DNAH3: variants seen among roughly 807,000 people sequenced by gnomAD.
DNAH3 encodes axonemal beta dynein heavy chain 3.
Under a neutral mutation model 432.5 loss-of-function variants are expected in DNAH3, and 332 were observed. The observed-to-expected ratio is 0.77, with a 90% CI of 0.70 to 0.84. DNAH3 has a LOEUF of 0.84. DNAH3 is among the 40% of genes least tolerant of loss of function. The probability of loss-of-function intolerance (pLI) is 0.00; values close to 1 mark genes in which losing one functional copy is unlikely to be tolerated. For synonymous variants in DNAH3, 1,956 were observed against 1,900.2 expected (o/e 1.03, Z -0.76); for missense variants, 4,861 against 5,114.0 (o/e 0.95, Z 1.51).
At chr16:20,974,903 C>T (rs1485697476) in intron 51 of DNAH3, among the ~76,000 whole-genome samples, 1 of 151,508 alleles carries the variant, frequency 6.6e-6, no homozygotes, top group Non-Finnish European at 1.5e-5. Context: ...ACTGCGACCT[C>T]TGCCTCCCAG....
chr16:21,081,151 T>G (rs1413459683), intron 20 of DNAH3, among the ~76,000 whole-genome samples: 2 of 152,028 alleles, frequency 1.3e-5, no homozygotes, highest in Admixed American at 1.3e-4. Flanking sequence ...ACTCCTGACC[T>G]CAAGTGGTCC....
At chr16:20,954,860 C>G in exon 55 of DNAH3, 1 of 1,614,144 alleles carries the variant, frequency 6.2e-7, no homozygotes, top group Non-Finnish European at 8.5e-7. Context: ...GTGGAAGAAA[C>G]AAAGGCCAAA....
chr16:21,091,708 C>T (rs1278066136), intron 18 of DNAH3, among the ~76,000 whole-genome samples: 1 of 151,986 alleles, frequency 6.6e-6, no homozygotes, highest in Non-Finnish European at 1.5e-5. Context: ...CCCAACTACT[C>T]AGGAGGCTAA....
At chr16:21,085,785 G>A (rs1017633407) in intron 19 of DNAH3, among the ~76,000 whole-genome samples, 4 of 151,776 alleles carry the variant, frequency 2.6e-5, no homozygotes, top group African/African-American at 7.3e-5. Flanking sequence ...AGTCTTATAC[G>A]TGGCTTTTTT....
intron 52 of DNAH3, among the ~76,000 whole-genome samples, chr16:20,966,467 C>T (rs1205889074): frequency 6.6e-6 from 1 of 152,174 alleles, no homozygotes; most frequent in Non-Finnish European, 1.5e-5. Context: ...AGAGGCCCCC[C>T]TCCCCGCTGC....
chr16:21,085,117 G>A lies in DNAH3; in HGVS notation c.2877+1732C>T, dbSNP rs567788412. Among the ~76,000 whole-genome samples, 7 of 152,038 alleles carry A rather than the reference G, an allele frequency of 4.6e-5. 1 individual carries two copies. The highest frequency in any genetic ancestry group is 3.9e-4 in the Admixed American group (6 of 15,258). On this transcript the variant is annotated intron_variant, in intron 19 of 61. Transcript: ENST00000261383. Reference sequence around the variant, plus strand: ...GTCATGGCCAGGCACTGTGGCTCACGCCTGTAATCCCAGCACTTTAGGAGG... The same window carrying A: ...GTCATGGCCAGGCACTGTGGCTCACACCTGTAATCCCAGCACTTTAGGAGG...
chr16:21,015,677 CTGTATTTTCTGCAACATTTTTCTA>C (rs1261840980), intron 41 of DNAH3, among the ~76,000 whole-genome samples: 2 of 152,158 alleles, frequency 1.3e-5, no homozygotes, highest in African/African-American at 4.8e-5. Context: ...TGGAAACTCT[CTGTATTTTCTGCAACATTTTTCTA>C]TAAATTTAAG....
chr16:20,998,811 C>T (rs1034146231), intron 43 of DNAH3, among the ~76,000 whole-genome samples: 5 of 151,362 alleles, frequency 3.3e-5, no homozygotes, highest in African/African-American at 1.2e-4. Flanking sequence ...GTTTGAATGC[C>T]CAGTTTGTGT....
chr16:20,963,024 C>G (rs8048770), intron 53 of DNAH3, among the ~76,000 whole-genome samples: 76,595 of 152,046 alleles, frequency 0.5, 19,527 homozygotes, highest in South Asian at 0.6. Flanking sequence ...GGAAATTTCT[C>G]CATTTCTGGT....
rs200815205 is a variant in DNAH3, at chr16:21,082,950, C to CT, written c.2878-1224dup. On this transcript the variant is annotated intron_variant, in intron 19 of 61. Transcript: ENST00000261383. Reference sequence around the variant, plus strand: ...TCAAATGTTACCTTGTTCCATCTTGCTTTTTTTTTAACAGTTAAATTTTTA... The same window carrying CT: ...TCAAATGTTACCTTGTTCCATCTTGCTTTTTTTTTTAACAGTTAAATTTTTA... 8.7e-5 allele frequency among the ~76,000 whole-genome samples: 13 copies of CT among 149,248 alleles called. No homozygotes were observed. In the South Asian group the frequency reaches 1.3e-3, roughly 15 times the overall value.
chr16:20,984,891 GAA>G (rs1440464943), intron 48 of DNAH3, among the ~76,000 whole-genome samples, 156 bp downstream of exon 48: 1 of 151,890 alleles, frequency 6.6e-6, no homozygotes, highest in East Asian at 1.9e-4. Flanking sequence ...TCAGAAGAGT[GAA>G]AAAAGTTGCC....
chr16:21,098,589 A>G (rs752205958), intron 17 of DNAH3, 27 bp downstream of exon 17: 25 of 1,599,672 alleles, frequency 1.6e-5, no homozygotes, highest in Admixed American at 5.2e-5. Context: ...GTACAGTGTC[A>G]TAAGTCCCCA....
chr16:20,984,179 G>GTGTGTGTGTGTA (rs1555518822), intron 48 of DNAH3, among the ~76,000 whole-genome samples: 1 of 151,552 alleles, frequency 6.6e-6, no homozygotes, highest in African/African-American at 2.4e-5. Context: ...GTGTGTGTGT[G>GTGTGTGTGTGTA]TATATGTGTG....
At chr16:21,038,005 G>A (rs779612544) in intron 33 of DNAH3, 25 bp from the exon 34 acceptor site, 53 of 1,604,202 alleles carry the variant, frequency 3.3e-5, no homozygotes, top group South Asian at 1.3e-4. Flanking sequence ...ACATGTATGC[G>A]GACACCCAGA....
At chr16:21,062,559 G>A (rs2090398755) in exon 25 of DNAH3, 1 of 1,614,056 alleles carries the variant, frequency 6.2e-7, no homozygotes, top group African/African-American at 1.3e-5. Context: ...ACAATTTCCA[G>A]ATTGTCTGTA....
chr16:21,098,585 T>G (rs755449937), intron 17 of DNAH3, 31 bp downstream of exon 17: 1 of 1,595,734 alleles, frequency 6.3e-7, no homozygotes, highest in African/African-American at 1.3e-5. Context: ...ACCAGTACAG[T>G]GTCATAAGTC....
At chr16:21,051,855 C>A in exon 29 of DNAH3, 2 of 1,614,092 alleles carry the variant, frequency 1.2e-6, no homozygotes, top group Non-Finnish European at 1.7e-6. Context: ...ATAACTTGGC[C>A]ACCACGTCGC....
intron 8 of DNAH3, among the ~76,000 whole-genome samples, chr16:21,125,623 A>T (rs1338857815): frequency 6.6e-6 from 1 of 152,208 alleles, no homozygotes; most frequent in African/African-American, 2.4e-5. Flanking sequence ...TTGGTGGCAC[A>T]TCCTGCTGAA....
chr16:21,025,476 TA>T (rs57134248), intron 38 of DNAH3, among the ~76,000 whole-genome samples: 5,619 of 147,866 alleles, frequency 0.038, 363 homozygotes, highest in African/African-American at 0.13. Flanking sequence ...ATTATAGATA[TA>T]ATTATGTAAT....
Sources: allele counts gnomAD v4.1 joint callset (sites outside exome capture counted in the v4.1 genomes callset), GRCh38; gene constraint gnomAD v4.1.1; transcripts MANE v1.5; gene names NCBI Gene and HGNC (gene_info 2026-07-23, HGNC 2026-07-21).